Variants in SYNE1 observed in about 807,000 individuals in gnomAD.
SYNE1 encodes the protein nesprin-1.
In SYNE1, 616 loss-of-function variants were observed where a neutral mutation model predicts 1,111.0. The ratio of observed to expected loss-of-function variants is 0.55; its 90% CI spans 0.52 to 0.59. SYNE1 has a LOEUF of 0.59. SYNE1 is among the 20% of genes least tolerant of loss of function. The pLI is 0.00. For synonymous variants in SYNE1, 3,855 were observed against 3,825.8 expected, an observed-to-expected ratio of 1.01 and a Z score of -0.28; for missense variants, 10,006 against 10,417.0, an observed-to-expected ratio of 0.96 and a Z score of 1.72.
intron 144 of SYNE1, among the ~76,000 whole-genome samples, chr6:152,131,849 GA>G (rs2055796046): frequency 6.6e-6 from 1 of 152,196 alleles, no homozygotes; most frequent in Admixed American, 6.5e-5. Flanking sequence ...CACCATTCTG[GA>G]AATTTTCTTA....
In SYNE1 at chr6:152,130,774, C is replaced by T. The variant is rs758942329; in HGVS notation, c.26099G>A (p.Arg8700Gln). The part of the protein sequence containing the change: ...RSTPNRQKTP[R>Q]GKCSLSQPGP... ...AGGCTGTGAGAGACTACACTTGCCT[C>T]GTGGCTGTTTGCAATGAACAGGGGG... Residue 8700 changes from arginine (R) to glutamine (Q), a missense_variant, in exon 145 of 146, where the codon CGA becomes CAA. Arg to Gln is a conservative substitution (Grantham distance 43). Around this residue, in one of 7 missense-constraint regions of SYNE1, gnomAD observed 761 missense variants for 795.5 expected, o/e 0.96. Transcript: ENST00000367255. The T allele has an allele frequency of 8.7e-6, 14 of 1,614,086 alleles. No homozygotes were observed. Among genetic ancestry groups the T allele is most frequent in the South Asian group, 3.3e-5 (3 of 91,070 alleles).
chr6:152,524,758 G>T (rs1053569430), intron 5 of SYNE1, among the ~76,000 whole-genome samples: 13 of 152,198 alleles, frequency 8.5e-5, no homozygotes, highest in African/African-American at 1.7e-4. Context: ...GCTATTGAGG[G>T]TTACTGCTAT....
chr6:152,291,752 C>A (rs2094615334), intron 95 of SYNE1, among the ~76,000 whole-genome samples: 1 of 152,128 alleles, frequency 6.6e-6, no homozygotes, highest in African/African-American at 2.4e-5. Flanking sequence ...AGAATGGGGG[C>A]TTGAACAAAG....
At chr6:152,261,975 C>T (rs2092060424) in intron 101 of SYNE1, 57 bp downstream of exon 101, 4 of 1,429,420 alleles carry the variant, frequency 2.8e-6, no homozygotes. Context: ...TATAATCCCT[C>T]AGCATAAACT....
In SYNE1 at chr6:152,387,247, A is replaced by G; in HGVS notation, c.8312T>C (p.Val2771Ala). The G allele has an allele frequency of 1.2e-6, 2 of 1,614,186 alleles. No individual in the cohort carries two copies. The highest frequency in any genetic ancestry group is 8.5e-7 in the Non-Finnish European group (1 of 1,180,030). ...QPQPGLKEKF[V>A]LLDHLQSILS... The stretch of plus-strand genomic sequence containing the variant: ...GATGGACTGGAGGTGGTCAAGCAGG[A>G]CGAACTTCTCTTTCAGACCTGGCTG... Residue 2771 changes from valine to alanine, a missense_variant, in exon 54 of 146, where the codon GTC becomes GCC. Around this residue, in one of 7 missense-constraint regions of SYNE1, gnomAD observed 4,955 missense variants for 5,017.2 expected, o/e 0.99. Coordinates refer to ENST00000367255, the MANE Select transcript of SYNE1 (RefSeq NM_182961.4).
chr6:152,542,368 C>T (rs1014168701), intron 3 of SYNE1, among the ~76,000 whole-genome samples: 1 of 152,090 alleles, frequency 6.6e-6, no homozygotes, highest in Non-Finnish European at 1.5e-5. Flanking sequence ...TTAACATGCT[C>T]ATTAATTTTC....
chr6:152,166,619 T>C (rs2063707872), intron 130 of SYNE1, among the ~76,000 whole-genome samples: 1 of 152,212 alleles, frequency 6.6e-6, no homozygotes, highest in African/African-American at 2.4e-5. Context: ...GAGTGGTTAG[T>C]ATGCAATATG....
At chr6:152,573,685 G>A (rs2099482940) in intron 3 of SYNE1, among the ~76,000 whole-genome samples, 1 of 152,030 alleles carries the variant, frequency 6.6e-6, no homozygotes, top group South Asian at 2.1e-4. Flanking sequence ...TAACTTTTCT[G>A]CCTACATTTT....
chr6:152,514,580 C>A (rs766623869), intron 6 of SYNE1, among the ~76,000 whole-genome samples: 4 of 149,790 alleles, frequency 2.7e-5, no homozygotes, highest in South Asian at 2.1e-4. Flanking sequence ...ACCTATGTAG[C>A]AAACCTGCAC....
chr6:152,275,068 G>A (rs927802280), intron 98 of SYNE1, among the ~76,000 whole-genome samples: 2 of 152,006 alleles, frequency 1.3e-5, no homozygotes, highest in Non-Finnish European at 2.9e-5. Context: ...CACCACGCCC[G>A]GCTAATGTTT....
rs1355556442 is a variant in SYNE1, at chr6:152,520,471, G to A, written c.297C>T (p.Leu99=). The A allele has an allele frequency of 4.3e-6, 7 of 1,613,260 alleles. No homozygotes were observed. Among genetic ancestry groups the A allele is most frequent in the Non-Finnish European group, 5.9e-6 (7 of 1,179,612 alleles). Residue 99 remains leucine (L), a synonymous_variant, in exon 6 of 146, where the codon CTC becomes CTT. Coordinates refer to ENST00000367255, the MANE Select transcript of SYNE1 (RefSeq NM_182961.4). ...GTTTCTCTCTTACCTTTCTTCCTTC[G>A]AGGAACTTGAGTGCCGTGCCAATGT... ...VANIGTALKF[L]EGRKIKLVNI... is the part of the protein sequence containing the mutation.
At position 152,234,721 on chromosome 6, in the gene SYNE1, C is replaced by T; in HGVS notation, c.20476G>A (p.Val6826Met). Reference protein sequence around the residue: ...DRLEFWTQQSVTVPQELEMVR... With the variant: ...DRLEFWTQQSMTVPQELEMVR... Reference sequence around the variant, plus strand: ...ATTTCCAGCTCTTGTGGGACTGTCACAGATTGCTGAGTCCAAAATTCTAGC... The same window carrying T: ...ATTTCCAGCTCTTGTGGGACTGTCATAGATTGCTGAGTCCAAAATTCTAGC... The change falls in exon 111 of 146, where the codon GTG (valine) becomes ATG (methionine). Residue 6826 changes from valine to methionine, a missense_variant. By Grantham distance (21) the Val-to-Met change is conservative. This residue lies in a region of SYNE1 where 2,182 missense variants were observed against 2,287.8 expected (regional missense o/e 0.95). Transcript: ENST00000367255. The T allele has an allele frequency of 3.7e-6, 6 of 1,614,204 alleles. No individual in the cohort carries two copies. The highest frequency in any genetic ancestry group is 1.6e-4 in the Middle Eastern group (1 of 6,062).
intron 3 of SYNE1, among the ~76,000 whole-genome samples, chr6:152,619,231 T>G (rs191282151): frequency 4.6e-5 from 7 of 152,320 alleles, no homozygotes; most frequent in African/African-American, 1.7e-4. Flanking sequence ...CATATTACCT[T>G]AAATTATACA....
rs535169290 is a variant in SYNE1 at position 152,188,945 on chromosome 6, G to A, written c.23301+307C>T. Among the ~76,000 whole-genome samples, 234 of 87,294 alleles carry A rather than the reference G, an allele frequency of 2.7e-3. 2 individuals carry two copies. Among genetic ancestry groups the A allele is most frequent in the African/African-American group, 1.0e-2 (215 of 21,586 alleles). The allele number at this position is 87,294 out of a possible 152,430, so 57.3% of individuals were successfully genotyped here. A position where few individuals can be genotyped will look rare whatever the true frequency, so the allele number is the denominator to read the frequency against. On this transcript the variant is annotated intron_variant, in intron 128 of 145. Transcript: ENST00000367255. ...TGCACTCCAGCCTGGGCAAAAGAGT[G>A]AGACTCTGTCTCAAAAAAAAAAAAA...
At chr6:152,274,618 TG>T (rs2093451054) in intron 98 of SYNE1, among the ~76,000 whole-genome samples, 1 of 152,176 alleles carries the variant, frequency 6.6e-6, no homozygotes, top group African/African-American at 2.4e-5. Context: ...ATTTTTGAGA[TG>T]GAGTTTCACT....
chr6:152,164,417 CTTTT>C, intron 130 of SYNE1, 92 bp from the exon 131 acceptor site: 1 of 1,474,668 alleles, frequency 6.8e-7, no homozygotes, highest in Non-Finnish European at 9.4e-7. Context: ...CTTTAACAAT[CTTTT>C]TAGGCAGAGT....
intron 130 of SYNE1, chr6:152,168,123 C>T (rs541565377): frequency 1.5e-5 from 12 of 780,114 alleles, no homozygotes; most frequent in East Asian, 1.2e-4. Flanking sequence ...CTTGTGACAT[C>T]GCAGTTACAA....
rs760935405 is a variant in SYNE1 at position 152,326,344 on chromosome 6, C to T, written c.15245G>A (p.Ser5082Asn). Reference protein sequence around the residue: ...EQKVASLELRSQRMSRDSGAQ... With the variant: ...EQKVASLELRNQRMSRDSGAQ... The stretch of plus-strand genomic sequence containing the variant: ...ACCAGAGTCCCGGCTCATCCTCTGG[C>T]TCCTGAGTTCCAGAGAAGCCACTTT... Residue 5082 changes from serine (S) to asparagine (N), a missense_variant, in exon 79 of 146, where the codon AGC (serine) becomes AAC (asparagine). Ser to Asn is a conservative substitution (Grantham distance 46). This residue lies in a region of SYNE1 where 4,955 missense variants were observed against 5,017.2 expected (regional missense o/e 0.99). Transcript: ENST00000367255. 1.5e-5 allele frequency: 25 copies of T among 1,614,004 alleles called. No homozygotes were observed. Among genetic ancestry groups the T allele is most frequent in the Non-Finnish European group, 1.8e-5 (21 of 1,179,996 alleles).
Position 152,180,292 on chromosome 6 carries a change from G to C in SYNE1, c.23304C>G (p.Leu7768=), listed in dbSNP as rs1363977823. The change falls in exon 129 of 146, where the codon CTC becomes CTG. Residue 7768 remains leucine (L), a splice_region_variant and synonymous_variant. Transcript: ENST00000367255. ...QRQWEELCHQ[L]SLRRQQIGER... ...CACCTATTTGCTGCCGCCTTAAGGA[G>C]AGCTGAAAAGTTTAAAATGGGAGAA... 2 of 1,613,888 alleles carry C rather than the reference G, an allele frequency of 1.2e-6. No individual in the cohort carries two copies. Among genetic ancestry groups the C allele is most frequent in the African/African-American group, 2.7e-5 (2 of 74,926 alleles).
Sources: allele counts gnomAD v4.1 joint callset (sites outside exome capture counted in the v4.1 genomes callset), GRCh38; gene constraint gnomAD v4.1.1; regional missense constraint gnomAD v4.1.1; transcripts MANE v1.5; gene names NCBI Gene and HGNC (gene_info 2026-07-23, HGNC 2026-07-21).